The following ANK3 variants were observed in gnomAD, a reference collection of about 807,000 sequenced individuals.
ANK3 encodes the protein ankyrin 3.
In ANK3, 57 loss-of-function variants were observed where a neutral mutation model predicts 370.9. The observed-to-expected ratio is 0.15, with a 90% confidence interval of 0.12 to 0.19. The LOEUF is 0.19. ANK3 is among the 10% of genes least tolerant of loss of function. The pLI is 1.00. For missense variants in ANK3, 4,439 were observed against 5,302.1 expected, an observed-to-expected ratio of 0.84 and a Z score of 5.06; for synonymous variants, 1,929 against 1,946.3, an observed-to-expected ratio of 0.99 and a Z score of 0.23.
intron 1 of ANK3, among the ~76,000 whole-genome samples, chr10:60,644,575 A>G (rs764603990): frequency 3.3e-5 from 5 of 152,052 alleles, no homozygotes; most frequent in Admixed American, 2.6e-4. Context: ...TATGAGTCTA[A>G]TCACCATCAC....
chr10:60,043,831 T>C (rs1460926712), intron 42 of ANK3: 31 of 985,384 alleles, frequency 3.1e-5, no homozygotes, highest in Non-Finnish European at 3.3e-5. Context: ...TGGCACATTC[T>C]GTCCCCTATA....
chr10:60,500,392 G>C (rs1411165081), intron 2 of ANK3, among the ~76,000 whole-genome samples: 1 of 152,058 alleles, frequency 6.6e-6, no homozygotes, highest in South Asian at 2.1e-4. Context: ...AAGAAAAAAA[G>C]AGTTTCAATT....
At chr10:60,115,161 T>G (rs2132115804) in intron 25 of ANK3, among the ~76,000 whole-genome samples, 1 of 152,300 alleles carries the variant, frequency 6.6e-6, no homozygotes, top group East Asian at 1.9e-4. Flanking sequence ...CTTAAAAGTT[T>G]AGAACTTATA....
chr10:60,273,816 T>A (rs942210369), intron 4 of ANK3, among the ~76,000 whole-genome samples: 4 of 152,208 alleles, frequency 2.6e-5, no homozygotes, highest in African/African-American at 9.6e-5. Context: ...GGAGTTTCCC[T>A]GCACAAGCTC....
intron 1 of ANK3, among the ~76,000 whole-genome samples, chr10:60,384,307 A>G (rs1472567195): frequency 6.6e-6 from 1 of 152,200 alleles, no homozygotes; most frequent in Non-Finnish European, 1.5e-5. Flanking sequence ...TTAAAAAAGA[A>G]TCTTAAGAAA....
intron 28 of ANK3, among the ~76,000 whole-genome samples, chr10:60,096,428 C>T (rs1406509512): frequency 2.0e-5 from 3 of 152,158 alleles, no homozygotes; most frequent in Admixed American, 6.5e-5. Context: ...AAATAATCTG[C>T]GGCACAAATG....
intron 2 of ANK3, among the ~76,000 whole-genome samples, chr10:60,571,532 A>C (rs2077599804): frequency 6.6e-6 from 1 of 152,220 alleles, no homozygotes; most frequent in African/African-American, 2.4e-5. Flanking sequence ...AGTCCTAGTA[A>C]TTAAAATATT....
rs369444587 is a variant in ANK3 at position 60,074,888 on chromosome 10, C to T, written c.5993G>A (p.Arg1998Gln). The change falls in exon 37 of 44, where the codon CGG becomes CAG. Residue 1998 changes from arginine to glutamine, a missense_variant. Physicochemically the swap from Arg to Gln is conservative, Grantham distance 43 (BLOSUM62 1). This residue lies in a region of ANK3 where 679 missense variants were observed against 791.0 expected (regional missense o/e 0.86). Coordinates refer to ENST00000280772, the MANE Select transcript of ANK3 (RefSeq NM_020987.5). Reference protein sequence around the residue: ...DWIEFSSEEIREARQQAAASQ... With the variant: ...DWIEFSSEEIQEARQQAAASQ... ...CGCAGCAGCTTGTTGTCTGGCTTCC[C>T]GGATTTCTTCCGAACTAAATTCTAT... is the stretch of plus-strand genomic sequence containing the variant. The T allele has an allele frequency of 1.5e-5, 24 of 1,613,704 alleles. No homozygotes were observed. The highest frequency in any genetic ancestry group is 4.5e-5 in the East Asian group (2 of 44,882).
intron 1 of ANK3, among the ~76,000 whole-genome samples, chr10:60,368,910 A>C (rs1315929601): frequency 6.6e-6 from 1 of 152,182 alleles, no homozygotes; most frequent in Non-Finnish European, 1.5e-5. Context: ...TGGAAATCCT[A>C]ACGCTGACTG....
rs768866559 is a variant in ANK3 at position 60,138,976 on chromosome 10, G to A, written c.2726C>T (p.Ala909Val). The change falls in exon 24 of 44, where the codon GCG becomes GTG. Residue 909 changes from alanine to valine, a missense_variant. Physicochemically the swap from Ala to Val is moderately conservative, Grantham distance 64. Transcript: ENST00000280772. ...AEGYMGFSLG[A>V]RSASLRSFSS... The stretch of plus-strand genomic sequence containing the variant: ...AACAACGAAGTACCTGGCAGAACGC[G>A]CTCCGAGACTAAAGCCCATGTAACC... The A allele has an allele frequency of 8.1e-6, 13 of 1,613,736 alleles. No homozygotes were observed. Among genetic ancestry groups the A allele is most frequent in the African/African-American group, 1.3e-5 (1 of 74,982 alleles).
intron 2 of ANK3, among the ~76,000 whole-genome samples, chr10:60,470,602 A>T (rs776287447): frequency 8.6e-5 from 13 of 151,944 alleles, no homozygotes; most frequent in Non-Finnish European, 7.4e-5. Flanking sequence ...GAGGACAATC[A>T]CCCCCGTGGC....
In ANK3 at chr10:60,173,191, AATT is replaced by A. The variant is rs766237372; in HGVS notation, c.2185-8_2185-6del. The stretch of plus-strand genomic sequence containing the variant: ...ATGCAGTGGTGTGTATCCCATCTGT[AATT>A]ATTATTTTTTTAAAAAAGAAGCATC... On this transcript the variant is annotated splice_polypyrimidine_tract_variant and splice_region_variant and intron_variant, in intron 18 of 43. Coordinates refer to ENST00000280772, the MANE Select transcript of ANK3 (RefSeq NM_020987.5). 1 of 1,595,588 alleles carries A rather than the reference AATT, an allele frequency of 6.3e-7. No homozygotes were observed. Among genetic ancestry groups the A allele is most frequent in the South Asian group, 1.1e-5 (1 of 87,574 alleles).
rs537459971 is a variant in ANK3, at chr10:60,548,206, C to CTTT, written c.96+66977_96+66979dup. 1.6e-4 allele frequency among the ~76,000 whole-genome samples: 14 copies of CTTT among 88,374 alleles called. 1 individual carries two copies. The highest frequency in any genetic ancestry group is 3.0e-4 in the African/African-American group (7 of 23,108). 58.0% of individuals were successfully genotyped at this position (88,374 alleles called of 152,430 possible). On this transcript the variant is annotated intron_variant, in intron 2 of 43. Transcript: ENST00000373827. Reference sequence around the variant, plus strand: ...TTTCAAACCCATTTTTAAATATTTCCTTTTTTTTTTTTTTTTTTTTTTTTT... The same window carrying CTTT: ...TTTCAAACCCATTTTTAAATATTTCCTTTTTTTTTTTTTTTTTTTTTTTTTTTT...
At chr10:60,608,965 T>G (rs1240119695) in intron 2 of ANK3, among the ~76,000 whole-genome samples, 1 of 152,158 alleles carries the variant, frequency 6.6e-6, no homozygotes, top group Admixed American at 6.5e-5. Context: ...ACTTTAACAT[T>G]TTTTTAAGCC....
intron 36 of ANK3, among the ~76,000 whole-genome samples, chr10:60,078,864 C>T (rs144781551): frequency 9.5e-4 from 145 of 152,266 alleles, no homozygotes; most frequent in African/African-American, 3.4e-3. Context: ...CAGAAAACTT[C>T]GCTCCTCTTC....
intron 1 of ANK3, among the ~76,000 whole-genome samples, chr10:60,299,079 C>T (rs1162835614): frequency 6.6e-6 from 1 of 152,142 alleles, no homozygotes; most frequent in Non-Finnish European, 1.5e-5. Flanking sequence ...ACATTAATGT[C>T]TGGCATTCAT....
chr10:60,145,799 G>A (rs1240977807), intron 23 of ANK3, among the ~76,000 whole-genome samples: 1 of 152,182 alleles, frequency 6.6e-6, no homozygotes, highest in African/African-American at 2.4e-5. Flanking sequence ...TAATCAAAAT[G>A]TAAGCTCCTT....
chr10:60,282,944 G>A (rs919568219), intron 1 of ANK3, among the ~76,000 whole-genome samples: 1 of 152,012 alleles, frequency 6.6e-6, no homozygotes, highest in Admixed American at 6.6e-5. Flanking sequence ...GAACCAATAA[G>A]TTCCTCCTTT....
Position 60,068,578 on chromosome 10 carries a change from T to G in ANK3, c.12244+59A>C. 3 of 1,511,158 alleles carry G rather than the reference T, an allele frequency of 2.0e-6. No individual in the cohort carries two copies. In the South Asian group the frequency reaches 4.0e-5, roughly 20 times the overall value. 93.6% of individuals were successfully genotyped at this position (1,511,158 alleles called of 1,614,324 possible). A position where few individuals can be genotyped will look rare whatever the true frequency, so the allele number is the denominator to read the frequency against. Reference sequence around the variant, plus strand: ...CGAGTTGGAAAGTGTTTACAAACTATGCTCGTTCTCCAGGATGTGAGCAGA... The same window carrying G: ...CGAGTTGGAAAGTGTTTACAAACTAGGCTCGTTCTCCAGGATGTGAGCAGA... On this transcript the variant is annotated intron_variant, in intron 37 of 43. Transcript: ENST00000280772.
Sources: allele counts gnomAD v4.1 joint callset (sites outside exome capture counted in the v4.1 genomes callset), GRCh38; gene constraint gnomAD v4.1.1; regional missense constraint gnomAD v4.1.1; transcripts MANE v1.5; gene names NCBI Gene and HGNC (gene_info 2026-07-23, HGNC 2026-07-21).